SCML4: variants seen among roughly 807,000 people sequenced by gnomAD.
The protein encoded by SCML4 is sex comb on midleg-like protein 4.
Under a neutral mutation model 41.1 loss-of-function variants are expected in SCML4, and 34 were observed. The observed-to-expected ratio is 0.83, with a 90% CI of 0.63 to 1.10. SCML4 has a LOEUF of 1.10. Among genes scored for constraint, SCML4 ranks in the 50% least tolerant of loss-of-function variants. The probability of loss-of-function intolerance (pLI) is 0.00; values close to 1 mark genes in which losing one functional copy is unlikely to be tolerated. For missense variants in SCML4, 522 were observed against 534.1 expected (o/e 0.98, Z 0.22); for synonymous variants, 214 against 220.9 (o/e 0.97, Z 0.28).
intron 5 of SCML4, chr6:107,743,963 A>G (rs1014437397): frequency 5.9e-5 from 9 of 152,110 alleles, no homozygotes; most frequent in African/African-American, 2.2e-4. Flanking sequence ...TCTGTTTTTT[A>G]TTATTTGTAG....
At position 107,746,829 on chromosome 6, in the gene SCML4, T is replaced by A. The variant is rs1306426694; in HGVS notation, c.347A>T (p.Gln116Leu). Residue 116 changes from glutamine to leucine, a missense_variant, in exon 4 of 8, where the codon CAG (glutamine) becomes CTG (leucine). Physicochemically the swap from Gln to Leu is moderately radical, Grantham distance 113. Transcript: ENST00000369020. ...GGGCCCAAAATGCTCCGGGAGCTGC[T>A]GCACCTTCTTCCTCTCCAGATAGGG... ...AGPYLERKKV[Q>L]QLPEHFGPER... The A allele has an allele frequency of 1.2e-6, 2 of 1,614,114 alleles. No homozygotes were observed. Among genetic ancestry groups the A allele is most frequent in the Non-Finnish European group, 1.7e-6 (2 of 1,179,990 alleles).
rs73762058 is a variant in SCML4 at position 107,739,230 on chromosome 6, T to G, written c.682+5719A>C. On this transcript the variant is annotated intron_variant, in intron 5 of 7. Coordinates refer to ENST00000369020, the MANE Select transcript of SCML4 (RefSeq NM_198081.5). ...TGATAACAATGCCCCTGACCAGAGT[T>G]TGAGGGACAAGACCTTAGATTTAAT... Among the ~76,000 whole-genome samples the G allele has an allele frequency of 5.8e-3, 889 of 152,260 alleles. 7 individuals carry two copies. Among genetic ancestry groups the G allele is most frequent in the African/African-American group, 0.021 (864 of 41,558 alleles).
chr6:107,806,294 C>T (rs940019548), intron 1 of SCML4, among the ~76,000 whole-genome samples: 1 of 152,164 alleles, frequency 6.6e-6, no homozygotes, highest in Non-Finnish European at 1.5e-5. Flanking sequence ...GTACAGGCTT[C>T]CTGGAGGAGG....
chr6:107,786,344 TC>T (rs1781895287), intron 1 of SCML4, among the ~76,000 whole-genome samples: 1 of 152,154 alleles, frequency 6.6e-6, no homozygotes, highest in Admixed American at 6.5e-5. Flanking sequence ...GTGAGTGGTT[TC>T]CCCTGGCTAG....
the SCML4 span, among the ~76,000 whole-genome samples, chr6:107,839,405 G>GAA: frequency 9.2e-5 from 13 of 141,854 alleles, no homozygotes; most frequent in African/African-American, 3.7e-4. Context: ...AAGAAAGAAA[G>GAA]AAAGAGGAAG....
intron 1 of SCML4, among the ~76,000 whole-genome samples, chr6:107,821,874 G>A (rs1037106955): frequency 2.0e-5 from 3 of 152,158 alleles, no homozygotes; most frequent in African/African-American, 4.8e-5. Flanking sequence ...TTTAAGGTGC[G>A]TGTCATAAAG....
chr6:107,818,911 A>G (rs929260582), intron 1 of SCML4, among the ~76,000 whole-genome samples: 7 of 152,228 alleles, frequency 4.6e-5, no homozygotes, highest in Admixed American at 1.3e-4. Flanking sequence ...TCTAGACACC[A>G]GGGAAAAACA....
chr6:107,829,308 C>CA (rs1358154133), upstream of SCML4, among the ~76,000 whole-genome samples: 2 of 151,784 alleles, frequency 1.3e-5, no homozygotes, highest in Non-Finnish European at 2.9e-5. Flanking sequence ...AATGCTTGAG[C>CA]AGTGGGGAGG....
chr6:107,795,960 T>A (rs1782680227), intron 1 of SCML4, among the ~76,000 whole-genome samples: 1 of 152,266 alleles, frequency 6.6e-6, no homozygotes, highest in Non-Finnish European at 1.5e-5. Context: ...CCCTTTTGCA[T>A]CTGGCTTTGT....
At chr6:107,745,185 A>G (rs761352662) in intron 4 of SCML4, 42 bp from the exon 5 acceptor site, 2 of 1,427,454 alleles carry the variant, frequency 1.4e-6, no homozygotes, top group South Asian at 2.7e-5. Flanking sequence ...CGGGCACTGG[A>G]GAAAACCGCA....
chr6:107,806,349 TC>T (rs1404577079), intron 1 of SCML4, among the ~76,000 whole-genome samples: 6 of 152,232 alleles, frequency 3.9e-5, no homozygotes, highest in African/African-American at 1.4e-4. Context: ...CTTTGGACAT[TC>T]ATCTGACTTT....
intron 1 of SCML4, among the ~76,000 whole-genome samples, chr6:107,791,262 T>A (rs1343094227): frequency 6.6e-6 from 1 of 151,972 alleles, no homozygotes. Context: ...TTAGTTTCAG[T>A]TTAGGACAGA....
At chr6:107,744,918 C>A in intron 5 of SCML4, 31 bp downstream of exon 5, 1 of 1,535,840 alleles carries the variant, frequency 6.5e-7, no homozygotes, top group South Asian at 1.2e-5. Context: ...GGAGGTGTCC[C>A]TGCAGGTGGG....
At position 107,703,054 on chromosome 6, in the gene SCML4, C is replaced by T. The variant is rs1287962495; in HGVS notation, c.*2146G>A. On this transcript the variant is annotated 3_prime_UTR_variant, in exon 8 of 8. Transcript: ENST00000369020. ...CTACCACCAGTGCCATGACGGTTTA[C>T]AAATGCCATGGCAACATCAGGAAGT... is the stretch of plus-strand genomic sequence containing the variant. 2.6e-5 allele frequency among the ~76,000 whole-genome samples: 4 copies of T among 152,196 alleles called. No individual in the cohort carries two copies. Among genetic ancestry groups the T allele is most frequent in the Non-Finnish European group, 5.9e-5 (4 of 68,036 alleles).
chr6:107,711,520 G>A (rs571222839), intron 6 of SCML4, among the ~76,000 whole-genome samples: 1 of 152,296 alleles, frequency 6.6e-6, no homozygotes, highest in Admixed American at 6.5e-5. Flanking sequence ...GTTTGTGCAA[G>A]TACAACCTAT....
At chr6:107,840,426 T>G in the SCML4 span, among the ~76,000 whole-genome samples, 1 of 152,228 alleles carries the variant, frequency 6.6e-6, no homozygotes, top group Non-Finnish European at 1.5e-5. Flanking sequence ...TCTCACAGAT[T>G]CCTGAGTAGA....
At chr6:107,825,805 C>T (rs887521524), upstream of SCML4, among the ~76,000 whole-genome samples, 19 of 151,646 alleles carry the variant, frequency 1.3e-4, no homozygotes, top group African/African-American at 7.3e-5. Flanking sequence ...GGCGTGGTGG[C>T]GGGCGCCTGT....
the SCML4 span, among the ~76,000 whole-genome samples, chr6:107,837,420 T>C: frequency 6.6e-6 from 1 of 152,210 alleles, no homozygotes; most frequent in African/African-American, 2.4e-5. Flanking sequence ...TGACCCCAGA[T>C]GCATGAAAGT....
At chr6:107,721,908 A>G (rs182651232) in intron 5 of SCML4, among the ~76,000 whole-genome samples, 13 of 152,274 alleles carry the variant, frequency 8.5e-5, no homozygotes, top group African/African-American at 3.1e-4. Context: ...GCTAAAGTGC[A>G]GAGGGAGGAG....
Sources: allele counts gnomAD v4.1 joint callset (sites outside exome capture counted in the v4.1 genomes callset), GRCh38; gene constraint gnomAD v4.1.1; transcripts MANE v1.5; gene names NCBI Gene and HGNC (gene_info 2026-07-23, HGNC 2026-07-21).